Variants in FBXW7 observed in about 807,000 individuals in gnomAD.
The protein encoded by FBXW7 is F-box and WD repeat domain containing 7.
In FBXW7, 11 loss-of-function variants were observed where a neutral mutation model predicts 86.3. That is an observed-to-expected ratio of 0.13 (90% CI 0.08 to 0.21). The LOEUF (loss-of-function observed/expected upper bound fraction) is 0.21. Among genes scored for constraint, FBXW7 ranks in the 10% least tolerant of loss-of-function variants. The pLI, the probability that FBXW7 is intolerant of heterozygous loss-of-function variation, is 1.00. For synonymous variants in FBXW7, 313 were observed against 297.9 expected (o/e 1.05, Z -0.52); for missense variants, 488 against 847.4 (o/e 0.58, Z 5.27).
At chr4:152,442,907 G>A (rs552698850) in intron 2 of FBXW7, among the ~76,000 whole-genome samples, 3 of 152,246 alleles carry the variant, frequency 2.0e-5, no homozygotes, top group Non-Finnish European at 4.4e-5. Context: ...CCTCCTCAAC[G>A]CTAAAACAAA....
chr4:152,532,925 G>A (rs1346797564), intron 2 of FBXW7, among the ~76,000 whole-genome samples: 7 of 152,110 alleles, frequency 4.6e-5, no homozygotes, highest in African/African-American at 1.4e-4. Flanking sequence ...GTGTCTCAAC[G>A]CCTGTAATCC....
intron 2 of FBXW7, among the ~76,000 whole-genome samples, chr4:152,515,282 C>T (rs1395915767): frequency 5.9e-5 from 9 of 152,146 alleles, no homozygotes; most frequent in Admixed American, 5.9e-4. Context: ...AAAATGCAAA[C>T]TAATTTGTAG....
intron 2 of FBXW7, among the ~76,000 whole-genome samples, chr4:152,419,494 A>AACAGACACAC (rs1738747192): frequency 8.1e-6 from 1 of 123,264 alleles, no homozygotes; most frequent in Admixed American, 8.4e-5. Context: ...GGATAAGGTA[A>AACAGACACAC]ACACACACAC....
chr4:152,529,343 T>C (rs555901061), intron 2 of FBXW7, among the ~76,000 whole-genome samples: 52 of 152,298 alleles, frequency 3.4e-4, no homozygotes, highest in Non-Finnish European at 6.2e-4. Context: ...TGTCAGATTA[T>C]ATACTCTTTT....
chr4:152,343,877 C>T (rs1271102796), intron 6 of FBXW7, among the ~76,000 whole-genome samples: 3 of 151,236 alleles, frequency 2.0e-5, no homozygotes, highest in African/African-American at 7.3e-5. Context: ...TAGTGGCATT[C>T]TGTTTCAGTC....
chr4:152,432,804 A>C (rs57199846), intron 2 of FBXW7, among the ~76,000 whole-genome samples: 41 of 152,130 alleles, frequency 2.7e-4, no homozygotes, highest in African/African-American at 9.4e-4. Flanking sequence ...AGAGCGAGAC[A>C]CTGTCTCAAA....
intron 2 of FBXW7, among the ~76,000 whole-genome samples, chr4:152,510,374 CA>C (rs1390043325): frequency 6.6e-6 from 1 of 152,136 alleles, no homozygotes; most frequent in Non-Finnish European, 1.5e-5. Context: ...AACTGCTCTC[CA>C]AAAAGGCCAC....
chr4:152,529,527 A>G (rs1004338499), intron 2 of FBXW7, among the ~76,000 whole-genome samples: 9 of 152,352 alleles, frequency 5.9e-5, no homozygotes, highest in African/African-American at 2.2e-4. Context: ...AATAAATAGG[A>G]TTTATGAAAC....
intron 2 of FBXW7, among the ~76,000 whole-genome samples, chr4:152,477,990 AAC>A (rs1744570325): frequency 1.3e-5 from 2 of 152,148 alleles, no homozygotes; most frequent in African/African-American, 4.8e-5. Flanking sequence ...GCAGCAATGA[AAC>A]AACAAAATTT....
chr4:152,519,912 ATT>A (rs1372553562), intron 2 of FBXW7, among the ~76,000 whole-genome samples: 1 of 152,212 alleles, frequency 6.6e-6, no homozygotes, highest in Non-Finnish European at 1.5e-5. Context: ...ATTTCTCTGA[ATT>A]TGTTTCCTTT....
At chr4:152,424,203 G>C (rs773625564) in intron 2 of FBXW7, among the ~76,000 whole-genome samples, 1 of 151,996 alleles carries the variant, frequency 6.6e-6, no homozygotes, top group African/African-American at 2.4e-5. Flanking sequence ...ATTGGGATTC[G>C]GCAGTAGGGC....
intron 6 of FBXW7, among the ~76,000 whole-genome samples, chr4:152,342,052 G>GA (rs905261555): frequency 1.3e-4 from 19 of 142,706 alleles, no homozygotes; most frequent in East Asian, 4.0e-4. Context: ...TCAGAAAAGA[G>GA]AAAAAAAAAA....
intron 11 of FBXW7, 102 bp downstream of exon 11, chr4:152,328,106 T>C (rs1369165748): frequency 1.3e-5 from 12 of 921,102 alleles, no homozygotes; most frequent in Non-Finnish European, 1.8e-5. Flanking sequence ...TAAATCTAAT[T>C]TAAGAGCACA....
intron 2 of FBXW7, among the ~76,000 whole-genome samples, chr4:152,503,843 GTTCAGCTTTC>G (rs968873074): frequency 3.3e-5 from 5 of 152,040 alleles, no homozygotes; most frequent in Admixed American, 2.6e-4. Context: ...AAATATCTGT[GTTCAGCTTTC>G]TGAAACAGAC....
At chr4:152,420,582 A>G (rs1057423594) in intron 2 of FBXW7, among the ~76,000 whole-genome samples, 3 of 152,172 alleles carry the variant, frequency 2.0e-5, no homozygotes, top group Non-Finnish European at 2.9e-5. Flanking sequence ...ATAAAACTTG[A>G]AAGTAGAAAT....
At chr4:152,437,043 T>C (rs2126968769) in intron 2 of FBXW7, among the ~76,000 whole-genome samples, 1 of 152,324 alleles carries the variant, frequency 6.6e-6, no homozygotes, top group Non-Finnish European at 1.5e-5. Context: ...GTTTTAGAAA[T>C]ACATTAGCTG....
intron 2 of FBXW7, among the ~76,000 whole-genome samples, chr4:152,484,006 T>C (rs1358915180): frequency 6.6e-6 from 1 of 152,114 alleles, no homozygotes; most frequent in Non-Finnish European, 1.5e-5. Flanking sequence ...AACAGCTATT[T>C]TGACTAGAAT....
Position 152,326,197 on chromosome 4 carries a change from C to G in FBXW7, c.1453G>C (p.Val485Leu), listed in dbSNP as rs1325363774. 1 of 1,613,222 alleles carries G rather than the reference C, an allele frequency of 6.2e-7. No individual in the cohort carries two copies. The highest frequency in any genetic ancestry group is 8.5e-7 in the Non-Finnish European group (1 of 1,179,462). ...VSGSRDATLR[V>L]WDIETGQCLH... ...CACTGGCCTGTCTCAATATCCCAAA[C>G]CCTAAGAGTGGCATCTCGAGAACCG... The change falls in exon 12 of 14, where the codon GTT (valine) becomes CTT (leucine). Residue 485 changes from valine to leucine, a missense_variant. Transcript: ENST00000281708.
At position 152,411,408 on chromosome 4, in the gene FBXW7, GCTA is replaced by G; in HGVS notation, c.393_395del (p.Ser132del). On this transcript the variant is annotated inframe_deletion, in exon 4 of 14. Coordinates refer to ENST00000281708, the MANE Select transcript of FBXW7 (RefSeq NM_001349798.2). ...TAGTATGTGTATGTTCATCTTCTCT[GCTA>G]CTATCATCAGACTGATCAAAATCGT... is the stretch of plus-strand genomic sequence containing the variant. The G allele has an allele frequency of 6.2e-7, 1 of 1,613,584 alleles. No homozygotes were observed.
Sources: gnomAD v4.1 joint callset for allele counts (sites outside exome capture counted in the v4.1 genomes callset) on GRCh38, gnomAD v4.1.1 for gene constraint, MANE v1.5 for transcripts, NCBI Gene and HGNC (gene_info 2026-07-23, HGNC 2026-07-21) for gene names.